Variants in TMEM30A observed in about 807,000 individuals in gnomAD.
TMEM30A encodes the protein cell division cycle 50 P4-ATPase accessory subunit A, also known as cell cycle control protein 50A.
Under a neutral mutation model 38.2 loss-of-function variants are expected in TMEM30A, and 24 were observed. The ratio of observed to expected loss-of-function variants is 0.63; its 90% confidence interval spans 0.46 to 0.88. The LOEUF (loss-of-function observed/expected upper bound fraction) is 0.88, where lower values mean the gene tolerates loss of function less well. Among genes scored for constraint, TMEM30A ranks in the 40% least tolerant of loss-of-function variants. The pLI, the probability that TMEM30A is intolerant of heterozygous loss-of-function variation, is 0.00. For missense variants in TMEM30A, 370 were observed against 458.6 expected, an observed-to-expected ratio of 0.81 and a Z score of 1.77; for synonymous variants, 145 against 161.6, an observed-to-expected ratio of 0.90 and a Z score of 0.78.
chr6:75,278,610 A>C (rs1772301984), intron 1 of TMEM30A, among the ~76,000 whole-genome samples: 1 of 152,154 alleles, frequency 6.6e-6, no homozygotes, highest in Non-Finnish European at 1.5e-5. Flanking sequence ...TCAAGTGAAG[A>C]CTCAGTAAAA....
intron 1 of TMEM30A, among the ~76,000 whole-genome samples, chr6:75,283,666 C>A (rs560517699): frequency 4.3e-4 from 63 of 147,966 alleles, no homozygotes; most frequent in East Asian, 1.2e-3. Context: ...AAAAAAAAAA[C>A]AAAACAAAAC....
rs1562385282 is a variant in TMEM30A at position 75,258,791 on chromosome 6, T to C, written c.881A>G (p.Asn294Ser). 3 of 1,613,788 alleles carry C rather than the reference T, an allele frequency of 1.9e-6. No individual in the cohort carries two copies. The highest frequency in any genetic ancestry group is 1.7e-5 in the Admixed American group (1 of 60,022). The change falls in exon 6 of 7, where the codon AAT becomes AGT. Residue 294 changes from asparagine to serine, a missense_variant. Transcript: ENST00000230461. Reference sequence around the variant, plus strand: ...CCAAAAAAGGATACTGTATGTGACATTCAAAGAGTATCGGCCAGCTGGTAA... The same window carrying C: ...CCAAAAAAGGATACTGTATGTGACACTCAAAGAGTATCGGCCAGCTGGTAA... ...PTLPAGRYSL[N>S]VTYNYPVHYF...
At chr6:75,278,867 T>C (rs1301922225) in intron 1 of TMEM30A, among the ~76,000 whole-genome samples, 1 of 152,178 alleles carries the variant, frequency 6.6e-6, no homozygotes, top group Non-Finnish European at 1.5e-5. Context: ...TTCATATTAA[T>C]CACCTTTCTT....
Position 75,284,623 on chromosome 6 carries a change from T to G in TMEM30A, c.16A>C (p.Asn6His), listed in dbSNP as rs771513919. The G allele has an allele frequency of 6.2e-7, 1 of 1,613,504 alleles. No homozygotes were observed. Among genetic ancestry groups the G allele is most frequent in the South Asian group, 1.1e-5 (1 of 91,072 alleles). The change falls in exon 1 of 7, where the codon AAC becomes CAC. Residue 6 changes from asparagine to histidine, a missense_variant. By Grantham distance (68) the Asn-to-His change is moderately conservative. Coordinates refer to ENST00000230461, the MANE Select transcript of TMEM30A (RefSeq NM_018247.4). MAMNY[N>H]AKDEVDGGPP... is the part of the protein sequence containing the mutation. ...CCACCGTCCACTTCATCCTTCGCGT[T>G]ATAGTTCATCGCCATCGATCCCTGG...
chr6:75,281,716 G>A (rs1158677586), intron 1 of TMEM30A, among the ~76,000 whole-genome samples: 1 of 152,102 alleles, frequency 6.6e-6, no homozygotes, highest in African/African-American at 2.4e-5. Flanking sequence ...ATTTGGATTT[G>A]ACAAGCCTCC....
Position 75,284,737 on chromosome 6 carries a change from G to C in TMEM30A, c.-99C>G. On this transcript the variant is annotated 5_prime_UTR_variant, in exon 1 of 7. Transcript: ENST00000230461. ...CCGCTCGAGCGCCGCTGCCGCCGCCGCCGCCGCAGCCACCAGCGCCACCGC... is the reference window on the plus strand; with the variant it reads ...CCGCTCGAGCGCCGCTGCCGCCGCCCCCGCCGCAGCCACCAGCGCCACCGC... 2 of 1,178,330 alleles carry C rather than the reference G, an allele frequency of 1.7e-6. No individual in the cohort carries two copies. The highest frequency in any genetic ancestry group is 2.5e-5 in the South Asian group (2 of 81,334). 73.0% of individuals were successfully genotyped at this position (1,178,330 alleles called of 1,614,324 possible). A position where few individuals can be genotyped will look rare whatever the true frequency, so the allele number is the denominator to read the frequency against.
chr6:75,258,333 T>G (rs1771903775), intron 6 of TMEM30A, among the ~76,000 whole-genome samples: 1 of 152,176 alleles, frequency 6.6e-6, no homozygotes, highest in African/African-American at 2.4e-5. Context: ...ATAAAATGTT[T>G]TGATACTACC....
chr6:75,271,071 A>G lies in TMEM30A; in HGVS notation c.238-3323T>C, dbSNP rs567719677. Among the ~76,000 whole-genome samples the G allele has an allele frequency of 5.5e-4, 84 of 152,134 alleles. 1 individual carries two copies. In the Middle Eastern group the frequency reaches 0.01, roughly 18 times the overall value. On this transcript the variant is annotated intron_variant, in intron 1 of 6. Coordinates refer to ENST00000230461, the MANE Select transcript of TMEM30A (RefSeq NM_018247.4). ...AGAGATGAAAGAAAAGACCATTCAG[A>G]AAAACAAACTATATTTTAAAATCTC... is the stretch of plus-strand genomic sequence containing the variant.
At chr6:75,256,448 A>G (rs1218879064) in intron 6 of TMEM30A, among the ~76,000 whole-genome samples, 153 bp from the exon 7 acceptor site, 4 of 152,100 alleles carry the variant, frequency 2.6e-5, no homozygotes, top group Non-Finnish European at 5.9e-5. Flanking sequence ...ACACACACAC[A>G]CACAAAGTAT....
intron 1 of TMEM30A, among the ~76,000 whole-genome samples, chr6:75,278,283 C>G (rs1015835417): frequency 2.0e-5 from 3 of 152,180 alleles, no homozygotes; most frequent in Admixed American, 2.0e-4. Context: ...CCCTGTGTTG[C>G]AGAGACTGCT....
At chr6:75,259,953 A>G (rs1469043284) in intron 4 of TMEM30A, among the ~76,000 whole-genome samples, 1 of 152,202 alleles carries the variant, frequency 6.6e-6, no homozygotes, top group Non-Finnish European at 1.5e-5. Context: ...CAGATATCAA[A>G]GACTTAGTAT....
chr6:75,275,785 A>G (rs1772250594), intron 1 of TMEM30A, among the ~76,000 whole-genome samples: 1 of 152,190 alleles, frequency 6.6e-6, no homozygotes, highest in Non-Finnish European at 1.5e-5. Flanking sequence ...TAAGAAATAC[A>G]TATTTAATCT....
At chr6:75,278,245 T>A (rs1248384533) in intron 1 of TMEM30A, among the ~76,000 whole-genome samples, 2 of 152,176 alleles carry the variant, frequency 1.3e-5, no homozygotes, top group Non-Finnish European at 2.9e-5. Flanking sequence ...TGACATACCA[T>A]TTCACCACCA....
At chr6:75,265,107 A>T in intron 3 of TMEM30A, 124 bp downstream of exon 3, 2 of 596,008 alleles carry the variant, frequency 3.4e-6, no homozygotes, top group Non-Finnish European at 5.3e-6. Context: ...GGGGGGAAAA[A>T]AATCCTCACT....
intron 1 of TMEM30A, among the ~76,000 whole-genome samples, chr6:75,273,515 C>T (rs573839403): frequency 5.3e-5 from 8 of 150,490 alleles, no homozygotes; most frequent in African/African-American, 2.0e-4. Context: ...GGTGGTATGG[C>T]AATACAAGCT....
chr6:75,284,179 G>C (rs1253768112), intron 1 of TMEM30A: 13 of 600,056 alleles, frequency 2.2e-5, no homozygotes, highest in Non-Finnish European at 3.9e-5. Context: ...CCGTGGATTT[G>C]CTCTTTCGTA....
intron 6 of TMEM30A, 46 bp from the exon 7 acceptor site, chr6:75,256,341 T>G: frequency 2.0e-6 from 3 of 1,515,454 alleles, no homozygotes; most frequent in Non-Finnish European, 2.7e-6. Flanking sequence ...TTACTTGATG[T>G]TTAAAATACA....
In TMEM30A at chr6:75,265,337, C is replaced by A; in HGVS notation, c.347G>T (p.Gly116Val). 1 of 1,575,860 alleles carries A rather than the reference C, an allele frequency of 6.3e-7. No homozygotes were observed. The highest frequency in any genetic ancestry group is 8.6e-7 in the Non-Finnish European group (1 of 1,161,862). The stretch of plus-strand genomic sequence containing the variant: ...CAGTCCATAATACATAAACACGTTG[C>A]CCTAGAGAAACAGAGAGGGAAAAAA... ...INFTLEKSFE[G>V]NVFMYYGLSN... The change falls in exon 3 of 7, where the codon GGC (glycine) becomes GTC (valine). Residue 116 changes from glycine to valine, a missense_variant and splice_region_variant. Transcript: ENST00000230461.
rs1445484538 is a variant in TMEM30A, at chr6:75,259,367, T to G, written c.665A>C (p.Asn222Thr). 1 of 1,612,386 alleles carries G rather than the reference T, an allele frequency of 6.2e-7. No individual in the cohort carries two copies. Among genetic ancestry groups the G allele is most frequent in the African/African-American group, 1.3e-5 (1 of 74,848 alleles). ...TTTACCTTTAAATCGTTCTTCCAGG[T>G]TGTCTCCTCCAGGGGGATTTCTGAA... Reference protein sequence around the residue: ...VKFRNPPGGDNLEERFKGTTK... With the variant: ...VKFRNPPGGDTLEERFKGTTK... The change falls in exon 5 of 7, where the codon AAC (asparagine) becomes ACC (threonine). Residue 222 changes from asparagine (N) to threonine (T), a missense_variant. By Grantham distance (65) the Asn-to-Thr change is moderately conservative (BLOSUM62 0). Transcript: ENST00000230461.
Sources: allele counts gnomAD v4.1 joint callset (sites outside exome capture counted in the v4.1 genomes callset), GRCh38; gene constraint gnomAD v4.1.1; transcripts MANE v1.5; gene names NCBI Gene and HGNC (gene_info 2026-07-23, HGNC 2026-07-21).